The following ZNF148 variants were observed in gnomAD, a reference collection of about 807,000 sequenced individuals.
ZNF148 encodes zinc finger protein 148, also known as Beta-Enolase Repressor Factor-1.
In ZNF148, 7 loss-of-function variants were observed where a neutral mutation model predicts 67.7. The ratio of observed to expected loss-of-function variants is 0.10; its 90% confidence interval spans 0.06 to 0.19. The LOEUF (loss-of-function observed/expected upper bound fraction) is 0.19. ZNF148 is among the 10% of genes least tolerant of loss of function. ZNF148 has a pLI of 1.00. For missense variants in ZNF148, 583 were observed against 947.1 expected (o/e 0.62, Z 5.05); for synonymous variants, 333 against 330.7 (o/e 1.01, Z -0.08).
intron 1 of ZNF148, among the ~76,000 whole-genome samples, chr3:125,374,398 C>T (rs542875234): frequency 2.2e-4 from 33 of 152,330 alleles, no homozygotes; most frequent in Admixed American, 7.8e-4. Context: ...TTGCTTCAAA[C>T]GCGATCCTTT....
chr3:125,281,712 G>A (rs985076711), intron 5 of ZNF148, among the ~76,000 whole-genome samples: 3 of 152,162 alleles, frequency 2.0e-5, no homozygotes, highest in African/African-American at 7.2e-5. Context: ...TTAATTCAAG[G>A]TGAATTTTAT....
At chr3:125,303,217 G>A (rs529056739) in intron 4 of ZNF148, among the ~76,000 whole-genome samples, 2 of 152,316 alleles carry the variant, frequency 1.3e-5, no homozygotes, top group East Asian at 1.9e-4. Flanking sequence ...AATGATGGAA[G>A]GAAGAGAAGA....
At chr3:125,354,645 TG>T (rs1293399019) in intron 1 of ZNF148, among the ~76,000 whole-genome samples, 1 of 152,258 alleles carries the variant, frequency 6.6e-6, no homozygotes, top group African/African-American at 2.4e-5. Context: ...AGAACAAATG[TG>T]TTAAGTTCAA....
At chr3:125,328,496 G>C (rs1269285816) in intron 2 of ZNF148, among the ~76,000 whole-genome samples, 1 of 151,950 alleles carries the variant, frequency 6.6e-6, no homozygotes, top group African/African-American at 2.4e-5. Context: ...AATATATAAA[G>C]TGTTTATTTT....
At chr3:125,335,150 T>C (rs527891990) in intron 1 of ZNF148, among the ~76,000 whole-genome samples, 2 of 152,298 alleles carry the variant, frequency 1.3e-5, no homozygotes, top group Non-Finnish European at 1.5e-5. Context: ...CTTATTCATG[T>C]TTTTTTCTGC....
chr3:125,369,029 A>G (rs1195853594), intron 1 of ZNF148, among the ~76,000 whole-genome samples: 2 of 151,618 alleles, frequency 1.3e-5, no homozygotes, highest in Non-Finnish European at 2.9e-5. Flanking sequence ...TGAGAGGCTA[A>G]GGCAGGCAGA....
intron 1 of ZNF148, among the ~76,000 whole-genome samples, chr3:125,366,978 T>C (rs1193733579): frequency 6.6e-6 from 1 of 152,238 alleles, no homozygotes; most frequent in Non-Finnish European, 1.5e-5. Context: ...GGTATATTTG[T>C]GACTCACAGA....
chr3:125,349,285 T>C (rs1195950012), intron 1 of ZNF148, among the ~76,000 whole-genome samples: 1 of 152,164 alleles, frequency 6.6e-6, no homozygotes, highest in African/African-American at 2.4e-5. Context: ...ACAGAGCAAC[T>C]AGGCAACTTA....
At chr3:125,241,278 C>T (rs940680519) in intron 7 of ZNF148, among the ~76,000 whole-genome samples, 5 of 150,422 alleles carry the variant, frequency 3.3e-5, no homozygotes, top group Admixed American at 6.6e-5. Flanking sequence ...TTTGTTTGTG[C>T]GAGTTTCTTT....
rs367995602 is a variant in ZNF148, at chr3:125,294,931, T to A, written c.334-6703A>T. ...AACTAAAATTTCAGGGAGGTAAGTG[T>A]CTTACCCAAGTTATTAAGTTGTACA... On this transcript the variant is annotated intron_variant, in intron 4 of 8. Coordinates refer to ENST00000360647, the MANE Select transcript of ZNF148 (RefSeq NM_021964.3). 4.9e-4 allele frequency among the ~76,000 whole-genome samples: 75 copies of A among 152,302 alleles called. 1 individual carries two copies. The South Asian group carries it at 0.015, about 31-fold the overall frequency.
chr3:125,280,089 C>A (rs1938297474), intron 5 of ZNF148, among the ~76,000 whole-genome samples: 1 of 151,936 alleles, frequency 6.6e-6, no homozygotes, highest in South Asian at 2.1e-4. Flanking sequence ...TCTAGAACTA[C>A]TAAATTATTA....
At chr3:125,277,163 G>T (rs1021976909) in intron 7 of ZNF148, among the ~76,000 whole-genome samples, 1 of 152,184 alleles carries the variant, frequency 6.6e-6, no homozygotes, top group Non-Finnish European at 1.5e-5. Context: ...TGGTTTTACC[G>T]TTGGCAAAAA....
chr3:125,372,482 T>A (rs1463400454), intron 1 of ZNF148, among the ~76,000 whole-genome samples: 1 of 152,184 alleles, frequency 6.6e-6, no homozygotes, highest in Non-Finnish European at 1.5e-5. Context: ...ATCTTCTGAC[T>A]CCGATAATGT....
intron 4 of ZNF148, among the ~76,000 whole-genome samples, chr3:125,303,849 T>C (rs1272498127): frequency 2.6e-5 from 4 of 151,924 alleles, no homozygotes; most frequent in Non-Finnish European, 5.9e-5. Flanking sequence ...CAAAAACGGT[T>C]AGGGGTTGCT....
At chr3:125,290,536 A>G (rs1458600688) in intron 4 of ZNF148, among the ~76,000 whole-genome samples, 1 of 152,122 alleles carries the variant, frequency 6.6e-6, no homozygotes, top group Non-Finnish European at 1.5e-5. Flanking sequence ...TACTGTTTTG[A>G]TATTTTAAAG....
chr3:125,286,710 C>CT (rs1434027835), intron 5 of ZNF148, among the ~76,000 whole-genome samples: 2 of 152,054 alleles, frequency 1.3e-5, no homozygotes, highest in Admixed American at 6.6e-5. Context: ...ACATTAAAAA[C>CT]TTTAAGCACA....
chr3:125,336,984 C>T (rs1046018406), intron 1 of ZNF148, among the ~76,000 whole-genome samples: 5 of 149,370 alleles, frequency 3.3e-5, no homozygotes, highest in African/African-American at 1.2e-4. Context: ...CAGCAATCAC[C>T]CTTCTTAAGC....
chr3:125,312,149 T>C (rs1560162317), intron 4 of ZNF148, among the ~76,000 whole-genome samples: 1 of 152,180 alleles, frequency 6.6e-6, no homozygotes, highest in Non-Finnish European at 1.5e-5. Flanking sequence ...AACTATAGAC[T>C]AATATTTCTC....
At chr3:125,308,790 T>C (rs1940038057) in intron 4 of ZNF148, among the ~76,000 whole-genome samples, 1 of 152,176 alleles carries the variant, frequency 6.6e-6, no homozygotes, top group Non-Finnish European at 1.5e-5. Flanking sequence ...AAAAGACTTG[T>C]ACAACAATTT....
Sources: allele counts gnomAD v4.1 joint callset (sites outside exome capture counted in the v4.1 genomes callset), GRCh38; gene constraint gnomAD v4.1.1; transcripts MANE v1.5; gene names NCBI Gene and HGNC (gene_info 2026-07-23, HGNC 2026-07-21).